The following SGCZ variants were observed in gnomAD, a reference collection of about 807,000 sequenced individuals.
The protein encoded by SGCZ is sarcoglycan zeta.
A neutral mutation model predicts 41.3 loss-of-function variants in SGCZ; 40 were observed. The observed-to-expected ratio is 0.97, with a 90% CI of 0.75 to 1.26. SGCZ has a LOEUF of 1.26. Ranked by LOEUF, SGCZ falls within the 50% of genes most tolerant of loss-of-function variation. SGCZ has a pLI of 0.00. For synonymous variants in SGCZ, 206 were observed against 137.5 expected (o/e 1.50, Z -3.49); for missense variants, 552 against 369.8 (o/e 1.49, Z -4.04).
rs192548961 is a variant in SGCZ, at chr8:14,339,194, A to G, written c.235-14990T>C. 2.9e-3 allele frequency among the ~76,000 whole-genome samples: 439 copies of G among 152,296 alleles called. 2 individuals are homozygous for G. Among genetic ancestry groups the G allele is most frequent in the African/African-American group, 0.01 (422 of 41,576 alleles). On this transcript the variant is annotated intron_variant, in intron 2 of 7. Transcript: ENST00000382080. ...TTTCTTCTACAGTAATTCAATTATC[A>G]TAGACTTCCTTAAAGTATTTGTAAA...
chr8:14,767,991 C>A (rs1800098069), intron 1 of SGCZ, among the ~76,000 whole-genome samples: 1 of 152,158 alleles, frequency 6.6e-6, no homozygotes, highest in South Asian at 2.1e-4. Flanking sequence ...CCCAGTCCTC[C>A]ATGTAATATG....
At chr8:14,293,150 T>C (rs550543486) in intron 3 of SGCZ, among the ~76,000 whole-genome samples, 17 of 152,010 alleles carry the variant, frequency 1.1e-4, no homozygotes, top group African/African-American at 1.9e-4. Context: ...AGGAAAGACA[T>C]TTAAAGAAAA....
At chr8:15,105,445 C>A (rs1806786588) in intron 1 of SGCZ, among the ~76,000 whole-genome samples, 1 of 152,072 alleles carries the variant, frequency 6.6e-6, no homozygotes, top group African/African-American at 2.4e-5. Context: ...AACGTACAAT[C>A]AAGGCAGAAG....
chr8:14,563,239 T>C (rs1266799164), intron 1 of SGCZ, among the ~76,000 whole-genome samples: 1 of 152,170 alleles, frequency 6.6e-6, no homozygotes, highest in African/African-American at 2.4e-5. Flanking sequence ...AAGTACAGTC[T>C]TCACCTTTTC....
chr8:14,140,688 A>C (rs1803341348), intron 5 of SGCZ, among the ~76,000 whole-genome samples: 1 of 152,210 alleles, frequency 6.6e-6, no homozygotes, highest in Non-Finnish European at 1.5e-5. Context: ...AACAAATGGA[A>C]GAACATTCCA....
intron 6 of SGCZ, among the ~76,000 whole-genome samples, chr8:14,104,606 C>T (rs892672960): frequency 2.6e-5 from 4 of 152,024 alleles, no homozygotes; most frequent in Admixed American, 2.0e-4. Flanking sequence ...AGCAAATACC[C>T]TACTTTATCA....
intron 1 of SGCZ, among the ~76,000 whole-genome samples, chr8:15,127,584 A>G (rs1263011146): frequency 3.3e-5 from 5 of 152,028 alleles, no homozygotes; most frequent in African/African-American, 1.2e-4. Flanking sequence ...ACAAAACAAG[A>G]TTTTTCTTGT....
chr8:14,589,823 T>A (rs1805183844), intron 1 of SGCZ, among the ~76,000 whole-genome samples: 1 of 152,160 alleles, frequency 6.6e-6, no homozygotes, highest in Non-Finnish European at 1.5e-5. Flanking sequence ...TCGTTTTATG[T>A]ATGTGGAAAT....
At chr8:14,855,515 T>A (rs1803517021) in intron 1 of SGCZ, among the ~76,000 whole-genome samples, 2 of 152,208 alleles carry the variant, frequency 1.3e-5, no homozygotes, top group Admixed American at 6.5e-5. Context: ...GGGTTCAGCT[T>A]AAAATCTGCC....
intron 1 of SGCZ, among the ~76,000 whole-genome samples, chr8:14,874,777 G>A (rs567416104): frequency 2.0e-5 from 3 of 152,218 alleles, no homozygotes; most frequent in East Asian, 3.9e-4. Flanking sequence ...CACATGTCTT[G>A]TGTTAGATGA....
intron 5 of SGCZ, among the ~76,000 whole-genome samples, chr8:14,118,831 T>C (rs527288525): frequency 1.8e-4 from 27 of 152,330 alleles, no homozygotes; most frequent in Non-Finnish European, 3.5e-4. Flanking sequence ...CCTTTTCCAA[T>C]TGCTTGTTTT....
chr8:15,055,547 G>A (rs1338555103), intron 1 of SGCZ, among the ~76,000 whole-genome samples: 5 of 152,146 alleles, frequency 3.3e-5, no homozygotes. Context: ...TGGTTTACAT[G>A]GAAGCACGAA....
At chr8:14,318,537 A>T (rs1186232247) in intron 3 of SGCZ, among the ~76,000 whole-genome samples, 3 of 152,080 alleles carry the variant, frequency 2.0e-5, no homozygotes, top group African/African-American at 7.2e-5. Flanking sequence ...ATGTGGATAG[A>T]GAAAAAGCAG....
intron 1 of SGCZ, among the ~76,000 whole-genome samples, chr8:14,706,123 T>G (rs1399556454): frequency 6.6e-6 from 1 of 152,088 alleles, no homozygotes; most frequent in Non-Finnish European, 1.5e-5. Context: ...CCCCATGGTC[T>G]AATAGCTTTT....
intron 3 of SGCZ, among the ~76,000 whole-genome samples, chr8:14,291,728 G>T (rs996361037): frequency 6.6e-6 from 1 of 151,924 alleles, no homozygotes; most frequent in East Asian, 1.9e-4. Flanking sequence ...TCTTACAGTG[G>T]AGTTAGAGGA....
intron 1 of SGCZ, among the ~76,000 whole-genome samples, chr8:15,004,568 T>A (rs770270832): frequency 2.0e-5 from 3 of 152,204 alleles, no homozygotes; most frequent in Non-Finnish European, 1.5e-5. Context: ...TGTCTCATTC[T>A]GTTTCAGCAG....
intron 2 of SGCZ, among the ~76,000 whole-genome samples, chr8:14,389,549 C>T (rs779024305): frequency 2.7e-5 from 4 of 149,726 alleles, no homozygotes; most frequent in Admixed American, 6.7e-5. Flanking sequence ...CCTAAAACAA[C>T]GGAATGTATC....
chr8:14,602,973 C>A (rs1041160846), intron 1 of SGCZ, among the ~76,000 whole-genome samples: 1 of 151,870 alleles, frequency 6.6e-6, no homozygotes, highest in South Asian at 2.1e-4. Context: ...CTAGGCATGC[C>A]GAAGTAGAAT....
intron 1 of SGCZ, among the ~76,000 whole-genome samples, chr8:15,154,746 T>C (rs1223233847): frequency 6.6e-6 from 1 of 152,154 alleles, no homozygotes; most frequent in Non-Finnish European, 1.5e-5. Context: ...AATGGGAGTA[T>C]TTAGTAATTC....
Sources: gnomAD v4.1 joint callset for allele counts (sites outside exome capture counted in the v4.1 genomes callset) on GRCh38, gnomAD v4.1.1 for gene constraint, MANE v1.5 for transcripts, NCBI Gene and HGNC (gene_info 2026-07-23, HGNC 2026-07-21) for gene names.